POTEC: variants seen among roughly 807,000 people sequenced by gnomAD.
POTEC encodes the protein ANKRD26-like family B member 2.
POTEC carries 35 observed loss-of-function variants against 62.0 expected under a neutral mutation model. That is an observed-to-expected ratio of 0.56 (90% CI 0.43 to 0.75). The LOEUF (loss-of-function observed/expected upper bound fraction) is 0.75. Ranked by LOEUF, POTEC falls within the 30% of genes least tolerant of loss-of-function variation. The pLI is 0.00. For synonymous variants in POTEC, 156 were observed against 221.5 expected (o/e 0.70, Z 2.62); for missense variants, 472 against 655.9 (o/e 0.72, Z 3.06).
At chr18:14,515,885 A>C (rs1161512415) in intron 9 of POTEC, among the ~76,000 whole-genome samples, 1 of 151,990 alleles carries the variant, frequency 6.6e-6, no homozygotes, top group Non-Finnish European at 1.5e-5. Flanking sequence ...GACATTGCTC[A>C]AAAGAAGATG....
At chr18:14,516,435 GAAGGTA>G (rs1910161495) in intron 9 of POTEC, among the ~76,000 whole-genome samples, 1 of 127,580 alleles carries the variant, frequency 7.8e-6, no homozygotes, top group Admixed American at 8.2e-5. Flanking sequence ...AATCATGGCA[GAAGGTA>G]AAGGGGAAGC....
At chr18:14,524,272 G>T (rs1361917214) in intron 7 of POTEC, among the ~76,000 whole-genome samples, 1 of 152,116 alleles carries the variant, frequency 6.6e-6, no homozygotes, top group South Asian at 2.1e-4. Context: ...TCTTGTAATA[G>T]GCAGTTGGGT....
chr18:14,515,949 G>T (rs570369642), intron 9 of POTEC, among the ~76,000 whole-genome samples: 133 of 151,998 alleles, frequency 8.8e-4, no homozygotes, highest in South Asian at 1.7e-3. Flanking sequence ...AATCATCAGG[G>T]TACAATAAAA....
intron 9 of POTEC, among the ~76,000 whole-genome samples, chr18:14,520,758 C>A (rs1351405425): frequency 6.6e-6 from 1 of 151,970 alleles, no homozygotes; most frequent in Non-Finnish European, 1.5e-5. Flanking sequence ...CAGCCCACTG[C>A]CTGTTTTTGT....
chr18:14,537,314 C>T lies in POTEC; in HGVS notation c.810+487G>A, dbSNP rs375460585. ...TCTGATTGCTGCATTTTTCCCTTTCCACTTCTGCCTCATGAGCAATCAGAA... is the reference window on the plus strand; with the variant it reads ...TCTGATTGCTGCATTTTTCCCTTTCTACTTCTGCCTCATGAGCAATCAGAA... On this transcript the variant is annotated intron_variant, in intron 3 of 10. Transcript: ENST00000358970. Among the ~76,000 whole-genome samples, 8 of 151,452 alleles carry T rather than the reference C, an allele frequency of 5.3e-5. No individual in the cohort carries two copies. In the East Asian group the frequency reaches 1.6e-3, roughly 30 times the overall value.
At chr18:14,519,030 T>C (rs1429320305) in intron 9 of POTEC, among the ~76,000 whole-genome samples, 1 of 152,230 alleles carries the variant, frequency 6.6e-6, no homozygotes, top group Non-Finnish European at 1.5e-5. Flanking sequence ...TCCCAGTCTA[T>C]GACACTCATC....
rs1158054861 is a variant in POTEC, at chr18:14,537,172, AACACACAC to A, written c.810+621_810+628del. Among the ~76,000 whole-genome samples, 286 of 64,618 alleles carry A rather than the reference AACACACAC, an allele frequency of 4.4e-3. 2 individuals are homozygous for A. The highest frequency in any genetic ancestry group is 5.4e-3 in the Non-Finnish European group (182 of 33,690). The allele number at this position is 64,618 out of a possible 152,430, so 42.4% of individuals were successfully genotyped here. On this transcript the variant is annotated intron_variant, in intron 3 of 10. Coordinates refer to ENST00000358970, the MANE Select transcript of POTEC (RefSeq NM_001137671.2). ...AAGGAAACGAATGAACAACAATAAC[AACACACAC>A]ACACACACACACACACACACACACA...
chr18:14,532,477 A>T (rs1489148354), intron 5 of POTEC, among the ~76,000 whole-genome samples: 2 of 152,162 alleles, frequency 1.3e-5, no homozygotes, highest in Non-Finnish European at 2.9e-5. Flanking sequence ...CTGAATCAGT[A>T]AGGGCATCTT....
At chr18:14,524,431 T>C (rs2143132709) in intron 7 of POTEC, among the ~76,000 whole-genome samples, 1 of 152,270 alleles carries the variant, frequency 6.6e-6, no homozygotes, top group Non-Finnish European at 1.5e-5. Context: ...TCTTCAACCA[T>C]GAATCCAGCT....
intron 9 of POTEC, among the ~76,000 whole-genome samples, chr18:14,515,653 CAAATAAAT>C (rs148381303): frequency 0.2 from 30,608 of 149,334 alleles, 3,543 homozygotes; most frequent in East Asian, 0.44. Context: ...AATAAATAAA[CAAATAAAT>C]AAATAAATAA....
intron 9 of POTEC, 127 bp from the exon 10 acceptor site, chr18:14,513,912 G>C (rs1910081521): frequency 6.5e-7 from 1 of 1,534,234 alleles, no homozygotes; most frequent in Non-Finnish European, 8.8e-7. Context: ...CAAGACAAAG[G>C]GGTCTCACAT....
rs1909999047 is a variant in POTEC, at chr18:14,511,262, G to A, written c.*636C>T. On this transcript the variant is annotated 3_prime_UTR_variant, in exon 11 of 11. Transcript: ENST00000358970. ...GTGGGAGATCCTGTCCAGTGACGAG[G>A]AACAGGATCAGAGGCCTGCTTACAG... 1 of 165,412 alleles carries A rather than the reference G, an allele frequency of 6.0e-6. No individual in the cohort carries two copies. The highest frequency in any genetic ancestry group is 2.4e-5 in the African/African-American group (1 of 41,002). The allele number at this position is 165,412 out of a possible 1,614,324, so 10.2% of individuals were successfully genotyped here. A position where few individuals can be genotyped will look rare whatever the true frequency, so the allele number is the denominator to read the frequency against.
chr18:14,515,420 A>C (rs1054265837), intron 9 of POTEC, among the ~76,000 whole-genome samples: 1 of 152,142 alleles, frequency 6.6e-6, no homozygotes, highest in Non-Finnish European at 1.5e-5. Context: ...ATCTCTGAGA[A>C]AGGATACAAA....
intron 9 of POTEC, among the ~76,000 whole-genome samples, chr18:14,517,505 A>G (rs866453924): frequency 6.4e-4 from 97 of 151,976 alleles, no homozygotes; most frequent in African/African-American, 2.3e-3. Context: ...AAGGTTCATA[A>G]TCCCTTGAAA....
At chr18:14,535,824 A>G (rs1905693852) in intron 3 of POTEC, among the ~76,000 whole-genome samples, 1 of 151,904 alleles carries the variant, frequency 6.6e-6, no homozygotes, top group Admixed American at 6.6e-5. Flanking sequence ...TGAGAGAGCC[A>G]TCCTCTACTT....
intron 9 of POTEC, among the ~76,000 whole-genome samples, chr18:14,518,919 G>C (rs1175181978): frequency 6.6e-6 from 1 of 152,062 alleles, no homozygotes; most frequent in Admixed American, 6.6e-5. Flanking sequence ...AATCAGAAGG[G>C]CTGGGGCAGA....
intron 5 of POTEC, among the ~76,000 whole-genome samples, chr18:14,530,921 T>TGTAG (rs1355107014): frequency 1.3e-5 from 2 of 152,148 alleles, no homozygotes; most frequent in African/African-American, 4.8e-5. Flanking sequence ...GTGAGGACTT[T>TGTAG]GCTGCCTTAT....
Position 14,535,276 on chromosome 18 carries a change from C to A in POTEC, c.811-269G>T, listed in dbSNP as rs553672767. Among the ~76,000 whole-genome samples, 42 of 143,240 alleles carry A rather than the reference C, an allele frequency of 2.9e-4. 2 individuals carry two copies. The East Asian group carries it at 0.01, about 35-fold the overall frequency. The allele number at this position is 143,240 out of a possible 152,430, so 94.0% of individuals were successfully genotyped here. ...GTTTCTAAACGAGCATTTGGCATGG[C>A]ACTTTTGGATGATTTTTTTTTTCAT... On this transcript the variant is annotated intron_variant, in intron 3 of 10. Coordinates refer to ENST00000358970, the MANE Select transcript of POTEC (RefSeq NM_001137671.2).
rs1555622930 is a variant in POTEC at position 14,516,335 on chromosome 18, TAC to T, written c.1410-2552_1410-2551del. Among the ~76,000 whole-genome samples the T allele has an allele frequency of 2.3e-3, 161 of 69,934 alleles. 8 individuals carry two copies. Among genetic ancestry groups the T allele is most frequent in the African/African-American group, 4.0e-3 (60 of 15,078 alleles). 45.9% of individuals were successfully genotyped at this position (69,934 alleles called of 152,430 possible). On this transcript the variant is annotated intron_variant, in intron 9 of 10. Transcript: ENST00000358970. ...ATATATATATATATATATATATATA[TAC>T]CTATACCTGAGACTGGGTAATTCAT...
Sources: gnomAD v4.1 joint callset for allele counts (sites outside exome capture counted in the v4.1 genomes callset) on GRCh38, gnomAD v4.1.1 for gene constraint, MANE v1.5 for transcripts, NCBI Gene and HGNC (gene_info 2026-07-23, HGNC 2026-07-21) for gene names.